KCNMB2: variants seen among roughly 807,000 people sequenced by gnomAD.
KCNMB2 encodes potassium calcium-activated channel subfamily M regulatory beta subunit 2.
In KCNMB2, 9 loss-of-function variants were observed where a neutral mutation model predicts 24.5. That is an observed-to-expected ratio of 0.37 (90% confidence interval 0.22 to 0.64). The LOEUF (loss-of-function observed/expected upper bound fraction) is 0.64. Among genes scored for constraint, KCNMB2 ranks in the 30% least tolerant of loss-of-function variants. The pLI is 0.63. For synonymous variants in KCNMB2, 109 were observed against 104.4 expected (o/e 1.04, Z -0.27); for missense variants, 226 against 284.3 (o/e 0.79, Z 1.47).
intron 4 of KCNMB2, among the ~76,000 whole-genome samples, chr3:178,834,667 G>A (rs914091588): frequency 1.3e-5 from 2 of 152,134 alleles, no homozygotes; most frequent in African/African-American, 4.8e-5. Flanking sequence ...GGGGCGTGGA[G>A]GAGGGGAATA....
At chr3:178,764,062 C>T (rs1192902523) in intron 1 of KCNMB2, among the ~76,000 whole-genome samples, 1 of 152,130 alleles carries the variant, frequency 6.6e-6, no homozygotes, top group Admixed American at 6.6e-5. Context: ...AATGAAGGAC[C>T]TAGAATTAAA....
At chr3:178,757,003 C>T (rs1228374026) in intron 1 of KCNMB2, 1 of 151,186 alleles carries the variant, frequency 6.6e-6, no homozygotes, top group Non-Finnish European at 1.5e-5. Flanking sequence ...ACTAAAGTGA[C>T]AATGAAAAAA....
chr3:178,696,415 T>C (rs557404583), intron 1 of KCNMB2, among the ~76,000 whole-genome samples: 1 of 152,324 alleles, frequency 6.6e-6, no homozygotes, highest in Admixed American at 6.5e-5. Flanking sequence ...TGATGGTTGT[T>C]TGTATTTCTG....
intron 1 of KCNMB2, among the ~76,000 whole-genome samples, chr3:178,779,761 AGTT>A (rs1013692626): frequency 6.6e-6 from 1 of 152,128 alleles, no homozygotes; most frequent in Non-Finnish European, 1.5e-5. Flanking sequence ...TTGATATTGT[AGTT>A]GTTCTCTTTT....
At chr3:178,560,660 T>C (rs932597173) in intron 1 of KCNMB2, among the ~76,000 whole-genome samples, 2 of 152,244 alleles carry the variant, frequency 1.3e-5, no homozygotes, top group African/African-American at 4.8e-5. Context: ...CACTGTTCTT[T>C]GATAGAGAGT....
At chr3:178,823,691 T>C (rs1326485916) in intron 2 of KCNMB2, among the ~76,000 whole-genome samples, 2 of 152,246 alleles carry the variant, frequency 1.3e-5, no homozygotes, top group East Asian at 1.9e-4. Flanking sequence ...GAACAGATAC[T>C]GGCCATAAAC....
Position 178,757,374 on chromosome 3 carries a change from CCAAGAGGAT to C in KCNMB2, c.-67-49968_-67-49960del, listed in dbSNP as rs1560005049. Among the ~76,000 whole-genome samples the C allele has an allele frequency of 1.6e-3, 38 of 23,038 alleles. 12 individuals carry two copies. Among genetic ancestry groups the C allele is most frequent in the Admixed American group, 7.7e-3 (15 of 1,958 alleles). 15.1% of individuals were successfully genotyped at this position (23,038 alleles called of 152,430 possible). A position where few individuals can be genotyped will look rare whatever the true frequency, so the allele number is the denominator to read the frequency against. ...GATATATATATATATATATATATAT[CCAAGAGGAT>C]ATATATATATGTATATATATCCAAG... On this transcript the variant is annotated intron_variant, in intron 1 of 4. Coordinates refer to ENST00000452583, the MANE Select transcript of KCNMB2 (RefSeq NM_181361.3).
In KCNMB2 at chr3:178,647,219, C is replaced by A. The variant is rs540157219; in HGVS notation, c.-68+110508C>A. Among the ~76,000 whole-genome samples the A allele has an allele frequency of 5.4e-4, 82 of 152,142 alleles. 1 individual carries two copies. The highest frequency in any genetic ancestry group is 1.9e-3 in the African/African-American group (80 of 41,518). On this transcript the variant is annotated intron_variant, in intron 1 of 4. Coordinates refer to ENST00000452583, the MANE Select transcript of KCNMB2 (RefSeq NM_181361.3). The stretch of plus-strand genomic sequence containing the variant: ...ACAGGCTGCAACCCTTTATAAGACA[C>A]AAAGTTCTCCTTCCAAATTAAAAAA...
intron 1 of KCNMB2, among the ~76,000 whole-genome samples, chr3:178,638,085 G>A (rs1445667777): frequency 6.6e-6 from 1 of 152,024 alleles, no homozygotes; most frequent in Non-Finnish European, 1.5e-5. Context: ...TCAGCACCTC[G>A]ATTCAGACCT....
intron 1 of KCNMB2, among the ~76,000 whole-genome samples, chr3:178,705,294 C>T (rs1041499159): frequency 5.3e-5 from 8 of 152,064 alleles, no homozygotes; most frequent in African/African-American, 1.9e-4. Context: ...TAGTCACTTC[C>T]TATCCCAAGC....
At chr3:178,572,889 C>CT (rs1439899291) in intron 1 of KCNMB2, among the ~76,000 whole-genome samples, 1 of 152,242 alleles carries the variant, frequency 6.6e-6, no homozygotes, top group East Asian at 1.9e-4. Context: ...AAACTGTTTA[C>CT]TAATGTTATA....
At chr3:178,815,473 A>G (rs369052617) in intron 2 of KCNMB2, among the ~76,000 whole-genome samples, 1 of 152,132 alleles carries the variant, frequency 6.6e-6, no homozygotes, top group Admixed American at 6.6e-5. Flanking sequence ...TATTTTCTTC[A>G]TAATTACATC....
At chr3:178,611,088 C>T (rs886913451) in intron 1 of KCNMB2, among the ~76,000 whole-genome samples, 1 of 152,154 alleles carries the variant, frequency 6.6e-6, no homozygotes, top group African/African-American at 2.4e-5. Flanking sequence ...TGGTAGAATT[C>T]AGCAGTGAAG....
At chr3:178,698,682 A>G (rs186745064) in intron 1 of KCNMB2, among the ~76,000 whole-genome samples, 3 of 152,364 alleles carry the variant, frequency 2.0e-5, no homozygotes, top group Admixed American at 2.0e-4. Context: ...TTTGGATGAA[A>G]GAAAGCACTC....
intron 1 of KCNMB2, among the ~76,000 whole-genome samples, chr3:178,776,777 C>A (rs1247909071): frequency 6.6e-6 from 1 of 152,036 alleles, no homozygotes; most frequent in African/African-American, 2.4e-5. Context: ...TTAGATGACA[C>A]CAGAAGTTGT....
intron 1 of KCNMB2, among the ~76,000 whole-genome samples, chr3:178,653,069 T>C (rs1232158639): frequency 6.6e-6 from 1 of 152,180 alleles, no homozygotes; most frequent in Non-Finnish European, 1.5e-5. Context: ...ATTTAAGAAT[T>C]ATTAACACCT....
Position 178,842,836 on chromosome 3 carries a change from C to G in KCNMB2, c.607C>G (p.Pro203Ala), listed in dbSNP as rs146496237. 2 of 1,613,984 alleles carry G rather than the reference C, an allele frequency of 1.2e-6. No individual in the cohort carries two copies. The highest frequency in any genetic ancestry group is 2.2e-5 in the South Asian group (2 of 91,068). Residue 203 changes from proline to alanine, a missense_variant, in exon 5 of 5, where the codon CCA becomes GCA. Coordinates refer to ENST00000452583, the MANE Select transcript of KCNMB2 (RefSeq NM_181361.3). Reference sequence around the variant, plus strand: ...CGTGCTGTTCCATTCACTCTTCTGGCCAACCTGTATGATGGCTGGGGGTGT... The same window carrying G: ...CGTGCTGTTCCATTCACTCTTCTGGGCAACCTGTATGATGGCTGGGGGTGT... ...SNVLFHSLFWPTCMMAGGVAI... is the reference protein window; with the variant it reads ...SNVLFHSLFWATCMMAGGVAI...
chr3:178,788,600 T>C (rs1309040564), intron 1 of KCNMB2, among the ~76,000 whole-genome samples: 1 of 152,180 alleles, frequency 6.6e-6, no homozygotes, highest in Non-Finnish European at 1.5e-5. Context: ...ATTTTCTTGA[T>C]GAGGAAAATG....
intron 1 of KCNMB2, among the ~76,000 whole-genome samples, chr3:178,776,264 T>C (rs4465925): frequency 0.27 from 41,407 of 151,974 alleles, 5,848 homozygotes; most frequent in Non-Finnish European, 0.31. Flanking sequence ...CAAAGAGAGT[T>C]TAAAAATCAT....
Sources: gnomAD v4.1 joint callset for allele counts (sites outside exome capture counted in the v4.1 genomes callset) on GRCh38, gnomAD v4.1.1 for gene constraint, MANE v1.5 for transcripts, NCBI Gene and HGNC (gene_info 2026-07-23, HGNC 2026-07-21) for gene names.